HHIP: variants seen among roughly 807,000 people sequenced by gnomAD.
The protein encoded by HHIP is hedgehog interacting protein, also known as hedgehog-interacting protein.
A neutral mutation model predicts 74.0 loss-of-function variants in HHIP; 12 were observed. The ratio of observed to expected loss-of-function variants is 0.16; its 90% CI spans 0.10 to 0.26. The LOEUF is 0.26. Among genes scored for constraint, HHIP ranks in the 10% least tolerant of loss-of-function variants. The pLI, the probability that HHIP is intolerant of heterozygous loss-of-function variation, is 1.00. For missense variants in HHIP, 788 were observed against 845.0 expected (o/e 0.93, Z 0.84); for synonymous variants, 309 against 311.6 (o/e 0.99, Z 0.09).
intron 2 of HHIP, among the ~76,000 whole-genome samples, chr4:144,657,399 T>C (rs946328984): frequency 2.0e-5 from 3 of 152,074 alleles, no homozygotes; most frequent in Non-Finnish European, 4.4e-5. Flanking sequence ...TATCACAAAA[T>C]TGATGAGGTG....
chr4:144,717,175 C>T (rs576297157), intron 10 of HHIP, among the ~76,000 whole-genome samples: 3 of 152,194 alleles, frequency 2.0e-5, no homozygotes, highest in South Asian at 4.2e-4. Flanking sequence ...ATGTGAAACT[C>T]GCTAGCTTTA....
At chr4:144,715,853 G>T (rs905771507) in intron 10 of HHIP, among the ~76,000 whole-genome samples, 1 of 152,086 alleles carries the variant, frequency 6.6e-6, no homozygotes, top group Non-Finnish European at 1.5e-5. Context: ...TGCCTTACCC[G>T]CTATTTCTTT....
At chr4:144,723,620 T>C (rs1730699589) in intron 11 of HHIP, among the ~76,000 whole-genome samples, 1 of 152,194 alleles carries the variant, frequency 6.6e-6, no homozygotes, top group Non-Finnish European at 1.5e-5. Flanking sequence ...CCTAAGTTGA[T>C]AAATTCCCAC....
At chr4:144,684,282 G>C (rs1204744773) in intron 4 of HHIP, among the ~76,000 whole-genome samples, 9 of 73,676 alleles carry the variant, frequency 1.2e-4, no homozygotes, top group Non-Finnish European at 2.1e-4. Context: ...TTTTTGAGAC[G>C]GAGTCTCGCT....
intron 1 of HHIP, chr4:144,650,682 C>G (rs1286964922): frequency 2.0e-5 from 3 of 152,036 alleles, no homozygotes; most frequent in Admixed American, 2.0e-4. Context: ...AGACCTCACA[C>G]AGAGCAAAAA....
chr4:144,675,420 A>G (rs963507744), intron 4 of HHIP, among the ~76,000 whole-genome samples: 1 of 152,068 alleles, frequency 6.6e-6, no homozygotes, highest in Admixed American at 6.5e-5. Flanking sequence ...GGAATAATAA[A>G]TACAATGAAA....
At chr4:144,659,496 T>C (rs1287418457) in intron 3 of HHIP, 141 bp from the exon 4 acceptor site, 1 of 504,184 alleles carries the variant, frequency 2.0e-6, no homozygotes, top group Admixed American at 3.2e-5. Context: ...AGAATTATAT[T>C]GTGACCCTTG....
At chr4:144,699,845 C>T (rs563044358) in intron 4 of HHIP, among the ~76,000 whole-genome samples, 1 of 152,080 alleles carries the variant, frequency 6.6e-6, no homozygotes, top group Admixed American at 6.5e-5. Flanking sequence ...TGTTCTGAGA[C>T]CAATTTAGAC....
intron 10 of HHIP, among the ~76,000 whole-genome samples, chr4:144,717,148 C>T (rs1339014047): frequency 6.6e-6 from 1 of 152,036 alleles, no homozygotes; most frequent in African/African-American, 2.4e-5. Flanking sequence ...AATACAGTTT[C>T]ACTGGATTAC....
At chr4:144,650,149 G>A (rs1320750618) in intron 1 of HHIP, among the ~76,000 whole-genome samples, 1 of 152,024 alleles carries the variant, frequency 6.6e-6, no homozygotes, top group East Asian at 1.9e-4. Flanking sequence ...AATACAGAAG[G>A]TCTCTGTCAC....
At chr4:144,701,701 TA>T (rs1311301676) in intron 4 of HHIP, among the ~76,000 whole-genome samples, 12 of 152,334 alleles carry the variant, frequency 7.9e-5, no homozygotes, top group African/African-American at 2.9e-4. Context: ...CAGTAACAAC[TA>T]ATGTCTTGAA....
chr4:144,707,492 G>T (rs1247824350), intron 6 of HHIP, among the ~76,000 whole-genome samples: 1 of 150,982 alleles, frequency 6.6e-6, no homozygotes, highest in Non-Finnish European at 1.5e-5. Flanking sequence ...TCTGTTCCAG[G>T]GCTGCCTCTG....
In HHIP at chr4:144,673,082, T is replaced by C. The variant is rs145427937; in HGVS notation, c.831+13244T>C. On this transcript the variant is annotated intron_variant, in intron 4 of 12. Transcript: ENST00000296575. ...CAAGGGTGGAAGCAGGGATGTAGGG[T>C]AGAATACTGACTTCTAGTACCAGCT... Among the ~76,000 whole-genome samples the C allele has an allele frequency of 1.5e-4, 23 of 152,290 alleles. No homozygotes were observed. The East Asian group carries it at 3.7e-3, about 24-fold the overall frequency.
intron 12 of HHIP, among the ~76,000 whole-genome samples, chr4:144,737,490 A>G (rs1034308346): frequency 2.0e-5 from 3 of 152,228 alleles, no homozygotes; most frequent in Non-Finnish European, 4.4e-5. Flanking sequence ...CATTTTAAAT[A>G]GAGTTAATTT....
Position 144,707,054 on chromosome 4 carries a change from C to G in HHIP, c.984-33C>G, listed in dbSNP as rs774772524. On this transcript the variant is annotated intron_variant, in intron 5 of 12. Transcript: ENST00000296575. ...GATGGACTCATCTTAAATCTTTTAA[C>G]AGTCATGGTATTGTTTTCTTCCCAC... 9.5e-6 allele frequency: 15 copies of G among 1,583,876 alleles called. No homozygotes were observed. In the East Asian group the frequency reaches 2.7e-4, roughly 28 times the overall value.
At chr4:144,723,233 A>G (rs1182502299) in intron 11 of HHIP, among the ~76,000 whole-genome samples, 1 of 152,118 alleles carries the variant, frequency 6.6e-6, no homozygotes, top group Non-Finnish European at 1.5e-5. Flanking sequence ...TTCCCTTAAT[A>G]AGTCTATAAA....
Position 144,737,102 on chromosome 4 carries a change from C to A in HHIP, c.1910-662C>A, listed in dbSNP as rs1394447189. 3.3e-5 allele frequency among the ~76,000 whole-genome samples: 5 copies of A among 152,152 alleles called. No individual in the cohort carries two copies. In the East Asian group the frequency reaches 7.7e-4, roughly 23 times the overall value. On this transcript the variant is annotated intron_variant, in intron 12 of 12. Transcript: ENST00000296575. ...CCATTTATATTGTAGTGGTAAAATT[C>A]TTTAATGAATAAATTCTGTGCTGTA...
intron 7 of HHIP, 49 bp from the exon 8 acceptor site, chr4:144,711,901 T>G (rs1730315291): frequency 1.3e-6 from 2 of 1,577,468 alleles, no homozygotes; most frequent in African/African-American, 1.3e-5. Context: ...AGTCTGAGCT[T>G]GGAAAAGATC....
rs979460129 is a variant in HHIP at position 144,740,501 on chromosome 4, G to A, written c.*2544G>A. 2.0e-5 allele frequency: 3 copies of A among 152,174 alleles called. No individual in the cohort carries two copies. Among genetic ancestry groups the A allele is most frequent in the African/African-American group, 7.2e-5 (3 of 41,452 alleles). The allele number at this position is 152,174 out of a possible 1,614,324, so 9.4% of individuals were successfully genotyped here. A position where few individuals can be genotyped will look rare whatever the true frequency, so the allele number is the denominator to read the frequency against. On this transcript the variant is annotated 3_prime_UTR_variant, in exon 13 of 13. Coordinates refer to ENST00000296575, the MANE Select transcript of HHIP (RefSeq NM_022475.3). ...AAGCAAAGAAAGTAAAATCATTGGAGTCATTTCTTTCTGTTCTTAGGAGAA... is the reference window on the plus strand; with the variant it reads ...AAGCAAAGAAAGTAAAATCATTGGAATCATTTCTTTCTGTTCTTAGGAGAA...
Sources: allele counts gnomAD v4.1 joint callset (sites outside exome capture counted in the v4.1 genomes callset), GRCh38; gene constraint gnomAD v4.1.1; transcripts MANE v1.5; gene names NCBI Gene and HGNC (gene_info 2026-07-23, HGNC 2026-07-21).